Variants in DNAH7 observed in about 807,000 individuals in gnomAD.
DNAH7 encodes dynein axonemal heavy chain 7.
A neutral mutation model predicts 444.6 loss-of-function variants in DNAH7; 397 were observed. The ratio of observed to expected loss-of-function variants is 0.89; its 90% CI spans 0.82 to 0.97. The LOEUF is 0.97. Among genes scored for constraint, DNAH7 ranks in the 50% least tolerant of loss-of-function variants. DNAH7 has a pLI of 0.00. For synonymous variants in DNAH7, 1,636 were observed against 1,624.4 expected, an observed-to-expected ratio of 1.01 and a Z score of -0.17; for missense variants, 4,902 against 4,800.8, an observed-to-expected ratio of 1.02 and a Z score of -0.62.
At chr2:196,019,729 C>T (rs1016762405) in intron 8 of DNAH7, among the ~76,000 whole-genome samples, 5 of 152,032 alleles carry the variant, frequency 3.3e-5, no homozygotes, top group Non-Finnish European at 7.4e-5. Context: ...AGGATATAGT[C>T]CAACCTTCCC....
chr2:195,846,345 A>C (rs1699001007), intron 46 of DNAH7, among the ~76,000 whole-genome samples: 1 of 152,234 alleles, frequency 6.6e-6, no homozygotes, highest in Non-Finnish European at 1.5e-5. Context: ...CTTTTGTTAA[A>C]AGTGAAAAAA....
chr2:195,795,425 G>A (rs888369283), intron 56 of DNAH7, among the ~76,000 whole-genome samples: 4 of 152,192 alleles, frequency 2.6e-5, no homozygotes, highest in African/African-American at 4.8e-5. Context: ...GATATAAGGC[G>A]TGAAGTATGA....
chr2:196,017,070 G>A (rs1575029602), intron 9 of DNAH7, among the ~76,000 whole-genome samples: 1 of 152,136 alleles, frequency 6.6e-6, no homozygotes. Context: ...GCACTGGCAT[G>A]ATCTCAGCTA....
chr2:195,769,468 G>T (rs1299617639), intron 61 of DNAH7, among the ~76,000 whole-genome samples: 1 of 151,898 alleles, frequency 6.6e-6, no homozygotes, highest in Non-Finnish European at 1.5e-5. Context: ...CATAAATCCT[G>T]CCCTTAGGTC....
At chr2:195,883,144 A>G (rs1701501361) in intron 35 of DNAH7, among the ~76,000 whole-genome samples, 1 of 152,144 alleles carries the variant, frequency 6.6e-6, no homozygotes, top group African/African-American at 2.4e-5. Flanking sequence ...TAGGAAAGGA[A>G]CCATTAAGAA....
At chr2:195,912,304 C>T (rs948534006) in intron 24 of DNAH7, among the ~76,000 whole-genome samples, 2 of 152,188 alleles carry the variant, frequency 1.3e-5, no homozygotes, top group Non-Finnish European at 2.9e-5. Context: ...AGCACAGAAA[C>T]TGAGTGCTGA....
rs1466044131 is a variant in DNAH7, at chr2:195,777,834, G to A, written c.11030C>T (p.Ser3677Leu). The A allele has an allele frequency of 6.2e-7, 1 of 1,613,796 alleles. No homozygotes were observed. Among genetic ancestry groups the A allele is most frequent in the South Asian group, 1.1e-5 (1 of 91,014 alleles). Residue 3677 changes from serine to leucine, a missense_variant, in exon 59 of 65, where the codon TCA becomes TTA. Physicochemically the swap from Ser to Leu is moderately radical, Grantham distance 145 (BLOSUM62 -2). Coordinates refer to ENST00000312428, the MANE Select transcript of DNAH7 (RefSeq NM_018897.3). ...LVENSDYKFD[S>L]SGIYFVPPSG... ...AGGAGGAACAAAATAGATGCCACTTGAGTCGAACTTATAGTCTGAATTTTC... is the reference window on the plus strand; with the variant it reads ...AGGAGGAACAAAATAGATGCCACTTAAGTCGAACTTATAGTCTGAATTTTC...
rs984399130 is a variant in DNAH7, at chr2:195,960,857, G to T, written c.2294C>A (p.Pro765His). ...QRKKIQDGLN[P>H]YLRLYETAVE... ...AGCAGTTTCATAAAGACGAAGATAA[G>T]GGTTCAAGCCATCTTGGATTTTTTT... Residue 765 changes from proline to histidine, a missense_variant, in exon 18 of 65, where the codon CCT becomes CAT. By Grantham distance (77) the Pro-to-His change is moderately conservative. Coordinates refer to ENST00000312428, the MANE Select transcript of DNAH7 (RefSeq NM_018897.3). The T allele has an allele frequency of 8.1e-6, 13 of 1,613,978 alleles. No individual in the cohort carries two copies. In the African/African-American group the frequency reaches 1.3e-4, roughly 17 times the overall value.
At chr2:195,790,075 T>C (rs1410851802) in intron 57 of DNAH7, among the ~76,000 whole-genome samples, 3 of 152,116 alleles carry the variant, frequency 2.0e-5, no homozygotes, top group Non-Finnish European at 4.4e-5. Flanking sequence ...CCATTTATAA[T>C]AGCTGCCTCC....
intron 10 of DNAH7, among the ~76,000 whole-genome samples, chr2:196,011,561 G>A (rs1008084510): frequency 1.3e-5 from 2 of 152,040 alleles, no homozygotes; most frequent in African/African-American, 2.4e-5. Context: ...AGATGAGGAC[G>A]ATGAAAAGGC....
intron 21 of DNAH7, among the ~76,000 whole-genome samples, chr2:195,932,117 T>C (rs1175452253): frequency 6.6e-6 from 1 of 152,128 alleles, no homozygotes; most frequent in African/African-American, 2.4e-5. Flanking sequence ...GGTTTGTAGT[T>C]CTCCTTGAAG....
intron 19 of DNAH7, among the ~76,000 whole-genome samples, chr2:195,938,049 T>G (rs1689170378): frequency 6.6e-6 from 1 of 152,128 alleles, no homozygotes. Context: ...ATGTAACCAG[T>G]AAATTTTTTC....
chr2:195,973,739 T>C (rs1357496712), intron 15 of DNAH7, among the ~76,000 whole-genome samples: 2 of 152,164 alleles, frequency 1.3e-5, no homozygotes, highest in South Asian at 4.1e-4. Context: ...CCCCAAATGC[T>C]GGAATTACAG....
intron 47 of DNAH7, among the ~76,000 whole-genome samples, chr2:195,841,677 A>T (rs1698694185): frequency 1.3e-5 from 2 of 150,906 alleles, no homozygotes; most frequent in South Asian, 4.2e-4. Flanking sequence ...ATTATTTTGT[A>T]TTTTTTTTTT....
chr2:196,020,555 T>C (rs529634498), intron 8 of DNAH7, among the ~76,000 whole-genome samples: 193 of 151,962 alleles, frequency 1.3e-3, no homozygotes, highest in African/African-American at 4.6e-3. Flanking sequence ...ATATGGAAAA[T>C]GGGTACATAA....
At chr2:195,953,036 C>T (rs1215976578) in intron 19 of DNAH7, among the ~76,000 whole-genome samples, 2 of 152,130 alleles carry the variant, frequency 1.3e-5, no homozygotes, top group Admixed American at 6.5e-5. Flanking sequence ...AATTTTCAGC[C>T]TTTTTGCCTG....
chr2:195,782,113 A>AT (rs1373500933), intron 58 of DNAH7, among the ~76,000 whole-genome samples: 1 of 151,878 alleles, frequency 6.6e-6, no homozygotes, highest in Non-Finnish European at 1.5e-5. Flanking sequence ...TACACTTTTA[A>AT]TTTTTTCTAT....
rs1204064703 is a variant in DNAH7, at chr2:195,817,998, G to A, written c.9292-169C>T. On this transcript the variant is annotated intron_variant, in intron 49 of 64. Coordinates refer to ENST00000312428, the MANE Select transcript of DNAH7 (RefSeq NM_018897.3). ...ATTAACGACATAGGCAAATATGATT[G>A]TTGGATTTAAAACCCACCTCAGTTT... Among the ~76,000 whole-genome samples, 9 of 152,176 alleles carry A rather than the reference G, an allele frequency of 5.9e-5. No homozygotes were observed. In the East Asian group the frequency reaches 1.5e-3, roughly 26 times the overall value.
rs1292917978 is a variant in DNAH7, at chr2:195,891,730, T to C, written c.4971A>G (p.Gly1657=). The C allele has an allele frequency of 6.2e-7, 1 of 1,610,094 alleles. No individual in the cohort carries two copies. The change falls in exon 31 of 65, where the codon GGA becomes GGG. Residue 1657 remains glycine (G), a synonymous_variant. Transcript: ENST00000312428. The part of the protein sequence containing the change: ...PKSVTMGQLY[G]QFDSVSHEWS... Reference sequence around the variant, plus strand: ...ATTCATGGGACACTGAATCAAACTGTCCGTACAGTTGGCCCATGGTGACAG... The same window carrying C: ...ATTCATGGGACACTGAATCAAACTGCCCGTACAGTTGGCCCATGGTGACAG...
Sources: gnomAD v4.1 joint callset for allele counts (sites outside exome capture counted in the v4.1 genomes callset) on GRCh38, gnomAD v4.1.1 for gene constraint, MANE v1.5 for transcripts, NCBI Gene and HGNC (gene_info 2026-07-23, HGNC 2026-07-21) for gene names.